The following CEP112 variants were observed in gnomAD, a reference collection of about 807,000 sequenced individuals.
The protein encoded by CEP112 is centrosomal protein of 112 kDa.
A neutral mutation model predicts 153.0 loss-of-function variants in CEP112; 127 were observed. The observed-to-expected ratio is 0.83, with a 90% confidence interval of 0.72 to 0.96. CEP112 has a LOEUF of 0.96. Among genes scored for constraint, CEP112 ranks in the 40% least tolerant of loss-of-function variants. The probability of loss-of-function intolerance (pLI) is 0.00; values close to 1 mark genes in which losing one functional copy is unlikely to be tolerated. For missense variants in CEP112, 1,089 were observed against 1,101.2 expected (o/e 0.99, Z 0.16); for synonymous variants, 358 against 374.4 (o/e 0.96, Z 0.51).
At position 66,028,307 on chromosome 17, in the gene CEP112, A is replaced by C; in HGVS notation, c.1596+6T>G. ...TTGTTCTTCTGTGTAGAAATACAAG[A>C]CTCACCCTTAGTTGTTGCTTTCTTT... On this transcript the variant is annotated splice_donor_region_variant and intron_variant, in intron 15 of 26. Coordinates refer to ENST00000535342, the MANE Select transcript of CEP112 (RefSeq NM_001199165.4). 1.3e-6 allele frequency: 2 copies of C among 1,529,276 alleles called. No individual in the cohort carries two copies. Among genetic ancestry groups the C allele is most frequent in the Non-Finnish European group, 1.8e-6 (2 of 1,112,784 alleles). The allele number at this position is 1,529,276 out of a possible 1,614,324, so 94.7% of individuals were successfully genotyped here.
intron 24 of CEP112, among the ~76,000 whole-genome samples, chr17:65,669,112 C>T (rs186480068): frequency 6.6e-6 from 1 of 152,312 alleles, no homozygotes. Context: ...GCAGGGGAAA[C>T]ATTTTGGGAG....
At chr17:65,949,310 C>A (rs2061743429) in intron 18 of CEP112, among the ~76,000 whole-genome samples, 10 of 152,112 alleles carry the variant, frequency 6.6e-5, no homozygotes, top group Admixed American at 6.6e-4. Context: ...TTTCAGAAAC[C>A]CAACTGCACT....
chr17:65,927,351 C>T (rs375058038), intron 19 of CEP112, among the ~76,000 whole-genome samples: 2 of 152,066 alleles, frequency 1.3e-5, no homozygotes, highest in East Asian at 1.9e-4. Flanking sequence ...CAATTATAAT[C>T]GATGTTTCAA....
At chr17:66,085,721 G>A (rs1465363104) in intron 8 of CEP112, among the ~76,000 whole-genome samples, 2 of 152,132 alleles carry the variant, frequency 1.3e-5, no homozygotes, top group African/African-American at 4.8e-5. Context: ...GCTCACGCCT[G>A]TAATCCCAGC....
intron 23 of CEP112, among the ~76,000 whole-genome samples, chr17:65,736,082 A>G (rs1248306775): frequency 1.3e-5 from 2 of 152,150 alleles, no homozygotes; most frequent in East Asian, 1.9e-4. Context: ...GATTCTAGAT[A>G]AGGGTGATTG....
chr17:65,756,249 C>CA (rs2052257492), intron 21 of CEP112, among the ~76,000 whole-genome samples: 1 of 151,336 alleles, frequency 6.6e-6, no homozygotes, highest in African/African-American at 2.4e-5. Context: ...ACTAAAAATA[C>CA]AAAAAAATTA....
At chr17:65,870,708 C>T (rs1381509715) in intron 20 of CEP112, among the ~76,000 whole-genome samples, 1 of 152,198 alleles carries the variant, frequency 6.6e-6, no homozygotes, top group Non-Finnish European at 1.5e-5. Flanking sequence ...CATCAGGGCT[C>T]ACAAACAGAA....
At chr17:65,893,698 G>C (rs886676505) in intron 20 of CEP112, among the ~76,000 whole-genome samples, 7 of 152,066 alleles carry the variant, frequency 4.6e-5, no homozygotes, top group African/African-American at 1.4e-4. Context: ...TATTACAATA[G>C]TTCGAAAACA....
intron 23 of CEP112, among the ~76,000 whole-genome samples, chr17:65,695,166 C>T (rs1367769811): frequency 6.6e-6 from 1 of 152,170 alleles, no homozygotes; most frequent in East Asian, 1.9e-4. Flanking sequence ...AAAATGTAAA[C>T]GACATAAGCA....
At chr17:65,652,098 T>C (rs190985117) in intron 24 of CEP112, among the ~76,000 whole-genome samples, 1 of 152,216 alleles carries the variant, frequency 6.6e-6, no homozygotes, top group African/African-American at 2.4e-5. Flanking sequence ...AAAACCACAA[T>C]GTGATCTCTT....
At chr17:66,117,184 G>A (rs1023081135) in intron 6 of CEP112, among the ~76,000 whole-genome samples, 1 of 151,922 alleles carries the variant, frequency 6.6e-6, no homozygotes, top group African/African-American at 2.4e-5. Flanking sequence ...GTGAGCTACC[G>A]TACCCAGGCT....
intron 19 of CEP112, among the ~76,000 whole-genome samples, chr17:65,919,345 C>G (rs1259755301): frequency 6.6e-6 from 1 of 152,186 alleles, no homozygotes; most frequent in Non-Finnish European, 1.5e-5. Flanking sequence ...TCACACTCCC[C>G]CGGGGATCAC....
chr17:66,175,704 C>G (rs186116921), intron 3 of CEP112, among the ~76,000 whole-genome samples: 5 of 152,302 alleles, frequency 3.3e-5, no homozygotes, highest in Non-Finnish European at 7.4e-5. Context: ...TCTGGCCACA[C>G]TGCTAACTAG....
intron 23 of CEP112, among the ~76,000 whole-genome samples, chr17:65,715,990 A>G (rs976224767): frequency 6.6e-6 from 1 of 152,216 alleles, no homozygotes; most frequent in African/African-American, 2.4e-5. Context: ...CTAAGCATGT[A>G]GTTTTATTGG....
intron 4 of CEP112, among the ~76,000 whole-genome samples, chr17:66,152,652 C>T (rs1365750402): frequency 6.6e-6 from 1 of 152,098 alleles, no homozygotes; most frequent in East Asian, 1.9e-4. Flanking sequence ...ATGCATTCAT[C>T]CACAGATCCC....
intron 4 of CEP112, among the ~76,000 whole-genome samples, chr17:66,137,878 T>C (rs1369869246): frequency 2.0e-5 from 3 of 152,156 alleles, no homozygotes; most frequent in East Asian, 1.9e-4. Context: ...CATGAAAATA[T>C]GAAACTCACT....
intron 20 of CEP112, among the ~76,000 whole-genome samples, chr17:65,855,066 A>T (rs1251269591): frequency 6.6e-6 from 1 of 152,210 alleles, no homozygotes; most frequent in East Asian, 1.9e-4. Flanking sequence ...AATCTGAGAT[A>T]CTAATAACTA....
chr17:65,907,356 T>C (rs1413291246), intron 19 of CEP112, among the ~76,000 whole-genome samples: 6 of 152,174 alleles, frequency 3.9e-5, no homozygotes, highest in Non-Finnish European at 8.8e-5. Context: ...AGCATAAACA[T>C]AAATAGTCAT....
rs995652216 is a variant in CEP112, at chr17:65,970,473, T to C, written c.1737-8875A>G. On this transcript the variant is annotated intron_variant, in intron 17 of 26. Coordinates refer to ENST00000535342, the MANE Select transcript of CEP112 (RefSeq NM_001199165.4). ...TATTACATGCATGCACACATGCATG[T>C]ATATTACATGCATGCACACTACATG... Among the ~76,000 whole-genome samples, 202 of 60,600 alleles carry C rather than the reference T, an allele frequency of 3.3e-3. 27 individuals carry two copies. Among genetic ancestry groups the C allele is most frequent in the Non-Finnish European group, 3.5e-3 (90 of 25,876 alleles). The allele number at this position is 60,600 out of a possible 152,430, so 39.8% of individuals were successfully genotyped here.
Sources: allele counts gnomAD v4.1 joint callset (sites outside exome capture counted in the v4.1 genomes callset), GRCh38; gene constraint gnomAD v4.1.1; transcripts MANE v1.5; gene names NCBI Gene and HGNC (gene_info 2026-07-23, HGNC 2026-07-21).